CRIM1: variants seen among roughly 807,000 people sequenced by gnomAD.
CRIM1 encodes cysteine rich transmembrane BMP regulator 1.
In CRIM1, 32 loss-of-function variants were observed where a neutral mutation model predicts 116.4. The ratio of observed to expected loss-of-function variants is 0.27; its 90% confidence interval spans 0.21 to 0.37. The LOEUF (loss-of-function observed/expected upper bound fraction) is 0.37. Ranked by LOEUF, CRIM1 falls within the 10% of genes least tolerant of loss-of-function variation. The pLI is 1.00. For missense variants in CRIM1, 1,331 were observed against 1,354.8 expected, an observed-to-expected ratio of 0.98 and a Z score of 0.28; for synonymous variants, 590 against 509.2, an observed-to-expected ratio of 1.16 and a Z score of -2.13.
At chr2:36,513,470 TG>T (rs1664825079) in intron 10 of CRIM1, 85 bp from the exon 11 acceptor site, 3 of 1,018,386 alleles carry the variant, frequency 2.9e-6, no homozygotes, top group South Asian at 1.3e-5. Context: ...TGTTGGTGGC[TG>T]GGGTCCAGTC....
chr2:36,529,303 T>C (rs1458873892), intron 13 of CRIM1: 2 of 418,728 alleles, frequency 4.8e-6, no homozygotes, highest in African/African-American at 2.1e-5. Context: ...ACATCTTCTA[T>C]AGGTGCAGAA....
intron 5 of CRIM1, among the ~76,000 whole-genome samples, chr2:36,476,013 A>G (rs771835441): frequency 8.6e-5 from 13 of 151,626 alleles, no homozygotes; most frequent in Non-Finnish European, 1.3e-4. Flanking sequence ...GTCTACATTT[A>G]TAATATACTG....
At chr2:36,534,372 GGGAAGGAAGGGAGGGAGGGGGAA>G (rs1666357358) in intron 13 of CRIM1, among the ~76,000 whole-genome samples, 1 of 126,476 alleles carries the variant, frequency 7.9e-6, no homozygotes, top group Non-Finnish European at 1.7e-5. Flanking sequence ...GGGAGGGAAG[GGGAAGGAAGGGAGGGAGGGGGAA>G]GGAAGGAAGG....
chr2:36,459,879 T>C (rs1236414240), intron 4 of CRIM1, among the ~76,000 whole-genome samples: 3 of 152,208 alleles, frequency 2.0e-5, no homozygotes, highest in Admixed American at 6.5e-5. Flanking sequence ...CCTTGCAAGC[T>C]ATGCCCAGGA....
rs200345599 is a variant in CRIM1 at position 36,437,961 on chromosome 2, ATC to A, written c.506-3293_506-3292del. Among the ~76,000 whole-genome samples the A allele has an allele frequency of 6.7e-3, 1,012 of 152,160 alleles. 36 individuals carry two copies. The highest frequency in any genetic ancestry group is 0.052 in the Admixed American group (799 of 15,278). Reference sequence around the variant, plus strand: ...AGCCCGGCCAACATGGTGAAACCCCATCTCTACTAAAAATACAAAAATTAGCT... The same window carrying A: ...AGCCCGGCCAACATGGTGAAACCCCATCTACTAAAAATACAAAAATTAGCT... On this transcript the variant is annotated intron_variant, in intron 2 of 16. Transcript: ENST00000280527.
intron 13 of CRIM1, among the ~76,000 whole-genome samples, chr2:36,528,629 C>G (rs1356008441): frequency 2.6e-5 from 4 of 152,154 alleles, no homozygotes; most frequent in African/African-American, 4.8e-5. Flanking sequence ...CCTGCACATT[C>G]TTCAGTGCTG....
At chr2:36,448,282 G>A (rs1282591962) in intron 4 of CRIM1, among the ~76,000 whole-genome samples, 1 of 152,200 alleles carries the variant, frequency 6.6e-6, no homozygotes, top group Admixed American at 6.5e-5. Context: ...TTCACCAGAG[G>A]CAGATGCATT....
At chr2:36,448,276 C>T (rs1358773785) in intron 4 of CRIM1, among the ~76,000 whole-genome samples, 4 of 152,210 alleles carry the variant, frequency 2.6e-5, no homozygotes, top group African/African-American at 7.2e-5. Context: ...AATGGATTCA[C>T]CAGAGGCAGA....
At chr2:36,500,567 T>C (rs768674482) in intron 8 of CRIM1, among the ~76,000 whole-genome samples, 2 of 152,206 alleles carry the variant, frequency 1.3e-5, no homozygotes, top group Non-Finnish European at 2.9e-5. Flanking sequence ...CAAGAAATTA[T>C]CCGAATCATT....
chr2:36,497,332 A>T (rs1018064403), intron 7 of CRIM1, among the ~76,000 whole-genome samples: 2 of 152,138 alleles, frequency 1.3e-5, no homozygotes, highest in Non-Finnish European at 2.9e-5. Flanking sequence ...TAAACCTGAT[A>T]CTTGCCTTCT....
At chr2:36,539,725 A>G (rs1196452295) in intron 14 of CRIM1, among the ~76,000 whole-genome samples, 4 of 152,128 alleles carry the variant, frequency 2.6e-5, no homozygotes, top group Non-Finnish European at 5.9e-5. Flanking sequence ...TAGGATTTCA[A>G]TGTATGCGGG....
intron 5 of CRIM1, among the ~76,000 whole-genome samples, chr2:36,469,342 A>G (rs1255750154): frequency 6.6e-6 from 1 of 152,152 alleles, no homozygotes; most frequent in Non-Finnish European, 1.5e-5. Context: ...CATTTGAAAT[A>G]CTTCTGTTTT....
intron 7 of CRIM1, among the ~76,000 whole-genome samples, chr2:36,490,983 C>T (rs182697700): frequency 1.3e-5 from 2 of 152,144 alleles, no homozygotes; most frequent in Admixed American, 6.5e-5. Context: ...CTAATTAAGC[C>T]GGTTGTCAAT....
Position 36,356,659 on chromosome 2 carries a change from C to T in CRIM1, c.331+36C>T. 6.4e-7 allele frequency: 1 copy of T among 1,565,036 alleles called. No homozygotes were observed. Among genetic ancestry groups the T allele is most frequent in the Non-Finnish European group, 8.7e-7 (1 of 1,155,902 alleles). ...CCGCTGCGGGCCCCCTCCCACCTGG[C>T]CTGCGCCGCCCCCTCGGCGCTGGTT... On this transcript the variant is annotated intron_variant, in intron 1 of 16. Transcript: ENST00000280527. The surrounding 1 kb of genome is among the most constrained non-coding windows in gnomAD (Gnocchi z 4.3).
At chr2:36,360,155 G>A (rs1477054526) in intron 1 of CRIM1, among the ~76,000 whole-genome samples, 3 of 152,310 alleles carry the variant, frequency 2.0e-5, no homozygotes, top group East Asian at 1.9e-4. Context: ...TCTCCCATGT[G>A]TCATAGCGCT....
intron 13 of CRIM1, among the ~76,000 whole-genome samples, chr2:36,526,432 GCATC>G (rs1665763563): frequency 6.6e-6 from 1 of 152,208 alleles, no homozygotes; most frequent in African/African-American, 2.4e-5. Flanking sequence ...CGTTTCTAAA[GCATC>G]CCATGGCCAT....
chr2:36,541,125 C>T (rs1666914028), intron 14 of CRIM1, among the ~76,000 whole-genome samples: 1 of 152,100 alleles, frequency 6.6e-6, no homozygotes. Flanking sequence ...ATTCCTGTCC[C>T]ATTCTTGCAT....
intron 13 of CRIM1, among the ~76,000 whole-genome samples, 175 bp downstream of exon 13, chr2:36,522,488 C>G (rs1370554767): frequency 6.6e-6 from 1 of 152,076 alleles, no homozygotes; most frequent in African/African-American, 2.4e-5. Flanking sequence ...GATGTACTCC[C>G]AAGAGGAGGT....
intron 2 of CRIM1, among the ~76,000 whole-genome samples, chr2:36,432,238 A>G (rs1208171275): frequency 6.6e-6 from 1 of 152,212 alleles, no homozygotes; most frequent in Non-Finnish European, 1.5e-5. Flanking sequence ...TTTATTAGGT[A>G]AAATTAAACG....
Sources: allele counts gnomAD v4.1 joint callset (sites outside exome capture counted in the v4.1 genomes callset), GRCh38; gene constraint gnomAD v4.1.1; non-coding constraint Gnocchi (gnomAD v3.1); transcripts MANE v1.5; gene names NCBI Gene and HGNC (gene_info 2026-07-23, HGNC 2026-07-21).